The following SUGCT variants were observed in gnomAD, a reference collection of about 807,000 sequenced individuals.
SUGCT encodes the protein succinyl-CoA:glutarate-CoA transferase.
A neutral mutation model predicts 55.0 loss-of-function variants in SUGCT; 41 were observed. That is an observed-to-expected ratio of 0.74 (90% CI 0.58 to 0.97). The LOEUF (loss-of-function observed/expected upper bound fraction) is 0.97. Among genes scored for constraint, SUGCT ranks in the 50% least tolerant of loss-of-function variants. The pLI is 0.00. For synonymous variants in SUGCT, 187 were observed against 200.4 expected, an observed-to-expected ratio of 0.93 and a Z score of 0.56; for missense variants, 568 against 547.8, an observed-to-expected ratio of 1.04 and a Z score of -0.37.
chr7:40,456,390 A>G (rs1305483502), intron 10 of SUGCT, among the ~76,000 whole-genome samples: 2 of 152,220 alleles, frequency 1.3e-5, no homozygotes, highest in Non-Finnish European at 2.9e-5. Flanking sequence ...TGTCTGCAAT[A>G]TCATACACCT....
intron 12 of SUGCT, among the ~76,000 whole-genome samples, chr7:40,669,257 T>C (rs970285867): frequency 3.3e-5 from 5 of 151,436 alleles, no homozygotes; most frequent in African/African-American, 9.7e-5. Context: ...GGTGGCTGTA[T>C]TGAAGCAGAG....
At chr7:40,373,331 G>GAAAATTTAGAATCTATAGATTCTAT (rs2151259591) in intron 9 of SUGCT, among the ~76,000 whole-genome samples, 1 of 152,202 alleles carries the variant, frequency 6.6e-6, no homozygotes, top group African/African-American at 2.4e-5. Context: ...ATAGATTCTA[G>GAAAATTTAGAATCTATAGATTCTAT]AAAATTTAGA....
chr7:40,196,774 G>C (rs1185822021), intron 6 of SUGCT, among the ~76,000 whole-genome samples: 1 of 152,046 alleles, frequency 6.6e-6, no homozygotes, highest in Admixed American at 6.6e-5. Context: ...TTATGTGATT[G>C]TGTTATTCTA....
intron 11 of SUGCT, among the ~76,000 whole-genome samples, chr7:40,461,647 T>C (rs1394799049): frequency 6.6e-6 from 1 of 152,230 alleles, no homozygotes; most frequent in African/African-American, 2.4e-5. Context: ...TTATGAATGA[T>C]ACTGCTCTAG....
the SUGCT span, among the ~76,000 whole-genome samples, chr7:40,898,484 G>GGGC: frequency 1.9e-5 from 2 of 106,142 alleles, no homozygotes; most frequent in African/African-American, 6.3e-5. Context: ...GGAGGTCGGG[G>GGGC]GGGGGGGGGG....
intron 7 of SUGCT, among the ~76,000 whole-genome samples, chr7:40,267,191 A>G (rs1791644859): frequency 6.6e-6 from 1 of 152,210 alleles, no homozygotes; most frequent in South Asian, 2.1e-4. Flanking sequence ...CTTAAGTGTT[A>G]ACTAGAGACT....
the SUGCT span, among the ~76,000 whole-genome samples, chr7:40,876,236 C>T: frequency 3.3e-5 from 5 of 152,146 alleles, no homozygotes; most frequent in Non-Finnish European, 7.3e-5. Flanking sequence ...CTCATAATAA[C>T]TCCGTAAGAT....
chr7:40,450,773 C>CA (rs57221158), intron 10 of SUGCT, among the ~76,000 whole-genome samples: 22,697 of 139,942 alleles, frequency 0.16, 3,869 homozygotes, highest in African/African-American at 0.43. Flanking sequence ...GACTCTGTCT[C>CA]AAAAAAAAAA....
the SUGCT span, among the ~76,000 whole-genome samples, chr7:40,887,901 G>A: frequency 2.0e-4 from 31 of 152,296 alleles, 1 homozygote; most frequent in Middle Eastern, 3.4e-3. Flanking sequence ...AGTGGGGGTT[G>A]GAGAGTGCTT....
At chr7:40,429,564 G>A (rs1416638292) in intron 9 of SUGCT, among the ~76,000 whole-genome samples, 1 of 152,162 alleles carries the variant, frequency 6.6e-6, no homozygotes, top group African/African-American at 2.4e-5. Flanking sequence ...CTTGGAGTCC[G>A]ATGTTTGACG....
At chr7:40,479,507 G>T (rs1790905325) in intron 11 of SUGCT, among the ~76,000 whole-genome samples, 2 of 152,056 alleles carry the variant, frequency 1.3e-5, no homozygotes, top group South Asian at 2.1e-4. Context: ...GAATTACTTA[G>T]CAATGCATTT....
At chr7:40,901,114 T>C in the SUGCT span, among the ~76,000 whole-genome samples, 10 of 151,860 alleles carry the variant, frequency 6.6e-5, no homozygotes. Flanking sequence ...TTTGAGAAGC[T>C]TAAGTCCATT....
At chr7:40,606,374 G>C (rs147266473) in intron 12 of SUGCT, among the ~76,000 whole-genome samples, 1 of 152,128 alleles carries the variant, frequency 6.6e-6, no homozygotes. Flanking sequence ...AAACTGAAGC[G>C]ACCACGTGTG....
At chr7:41,037,813 A>G in the SUGCT span, among the ~76,000 whole-genome samples, 1 of 152,126 alleles carries the variant, frequency 6.6e-6, no homozygotes, top group South Asian at 2.1e-4. Flanking sequence ...AAAATATGGA[A>G]ACTTCTTAAG....
chr7:40,719,423 T>C (rs1786199839), intron 12 of SUGCT, among the ~76,000 whole-genome samples: 1 of 152,212 alleles, frequency 6.6e-6, no homozygotes, highest in African/African-American at 2.4e-5. Context: ...GGACTTTCAG[T>C]TGAGCTTGTT....
At chr7:40,418,193 C>T (rs138865955) in intron 9 of SUGCT, among the ~76,000 whole-genome samples, 72 of 152,252 alleles carry the variant, frequency 4.7e-4, no homozygotes, top group African/African-American at 1.7e-3. Flanking sequence ...GTTCAATAGA[C>T]ACTATGTCAG....
At chr7:40,889,069 G>A in the SUGCT span, among the ~76,000 whole-genome samples, 1 of 152,222 alleles carries the variant, frequency 6.6e-6, no homozygotes, top group Admixed American at 6.5e-5. Context: ...GCCGGAGCTT[G>A]ACTGTGATGA....
chr7:40,910,443 G>A, the SUGCT span, among the ~76,000 whole-genome samples: 2 of 152,134 alleles, frequency 1.3e-5, no homozygotes, highest in Non-Finnish European at 2.9e-5. Flanking sequence ...AGGCCTGCCT[G>A]TAAAAATATG....
chr7:40,615,944 A>G (rs117943867), intron 12 of SUGCT, among the ~76,000 whole-genome samples: 1,559 of 152,282 alleles, frequency 0.01, 11 homozygotes, highest in Non-Finnish European at 0.018. Flanking sequence ...ACCATTTAAT[A>G]TGTTTAATAA....
Sources: gnomAD v4.1 joint callset for allele counts (sites outside exome capture counted in the v4.1 genomes callset) on GRCh38, gnomAD v4.1.1 for gene constraint, MANE v1.5 for transcripts, NCBI Gene and HGNC (gene_info 2026-07-23, HGNC 2026-07-21) for gene names.